The following XPNPEP3 variants were observed in gnomAD, a reference collection of about 807,000 sequenced individuals.
XPNPEP3 encodes X-prolyl aminopeptidase 3.
In XPNPEP3, 41 loss-of-function variants were observed where a neutral mutation model predicts 60.0. That is an observed-to-expected ratio of 0.68 (90% confidence interval 0.53 to 0.89). The LOEUF (loss-of-function observed/expected upper bound fraction) is 0.89, where lower values mean the gene tolerates loss of function less well. Ranked by LOEUF, XPNPEP3 falls within the 40% of genes least tolerant of loss-of-function variation. The pLI is 0.00. For missense variants in XPNPEP3, 598 were observed against 638.9 expected (o/e 0.94, Z 0.69); for synonymous variants, 212 against 223.2 (o/e 0.95, Z 0.45).
chr22:40,891,100 C>A (rs939218391), intron 4 of XPNPEP3, among the ~76,000 whole-genome samples: 1 of 137,510 alleles, frequency 7.3e-6, no homozygotes, highest in African/African-American at 2.7e-5. Context: ...CCCAGCACTT[C>A]GGGAGCCCAA....
intron 4 of XPNPEP3, among the ~76,000 whole-genome samples, chr22:40,890,163 T>C (rs9619914): frequency 0.045 from 6,855 of 152,272 alleles, 496 homozygotes; most frequent in African/African-American, 0.16. Context: ...TCCTAAAATA[T>C]TAATTTTACC....
chr22:40,894,235 G>C (rs1466634987), intron 4 of XPNPEP3, among the ~76,000 whole-genome samples: 1 of 152,096 alleles, frequency 6.6e-6, no homozygotes, highest in East Asian at 1.9e-4. Flanking sequence ...ACTCCAAGGG[G>C]TATCTGAGTT....
At chr22:40,875,127 A>G (rs1043532698) in intron 2 of XPNPEP3, among the ~76,000 whole-genome samples, 1 of 152,164 alleles carries the variant, frequency 6.6e-6, no homozygotes, top group Non-Finnish European at 1.5e-5. Flanking sequence ...TTTATAAAGT[A>G]ATATATTTTA....
intron 2 of XPNPEP3, among the ~76,000 whole-genome samples, chr22:40,875,611 T>C (rs1569018056): frequency 1.3e-5 from 2 of 152,268 alleles, no homozygotes; most frequent in East Asian, 3.9e-4. Context: ...TGAAGAATTA[T>C]AGAGGATTTC....
In XPNPEP3 at chr22:40,922,446, C is replaced by A; in HGVS notation, c.1169C>A (p.Thr390Asn). The A allele has an allele frequency of 1.9e-6, 3 of 1,613,932 alleles. No homozygotes were observed. Among genetic ancestry groups the A allele is most frequent in the African/African-American group, 1.3e-5 (1 of 74,980 alleles). Reference protein sequence around the residue: ...SLENIYSMMLTLIGQKLKDLG... With the variant: ...SLENIYSMMLNLIGQKLKDLG... ...GAGAACATCTACAGCATGATGCTGA[C>A]CCTGATAGGACAGAAGCTTAAAGAC... Residue 390 changes from threonine to asparagine, a missense_variant, in exon 8 of 10, where the codon ACC (threonine) becomes AAC (asparagine). By Grantham distance (65) the Thr-to-Asn change is moderately conservative. Transcript: ENST00000357137.
intron 4 of XPNPEP3, among the ~76,000 whole-genome samples, chr22:40,895,335 T>C (rs899281255): frequency 6.6e-6 from 1 of 151,768 alleles, no homozygotes; most frequent in Non-Finnish European, 1.5e-5. Flanking sequence ...ATTAGTGCTT[T>C]TCTTTTCTTT....
rs1430934718 is a variant in XPNPEP3 at position 40,869,059 on chromosome 22, C to A, written c.125C>A (p.Pro42Gln). ...SLQPVPERRI[P>Q]NRYLGQPSPF... ...CAGCCTGTCCCAGAAAGGAGGATTC[C>A]AAACCGATACTTAGGCCAGCCCAGC... The change falls in exon 2 of 10, where the codon CCA becomes CAA. Residue 42 changes from proline (P) to glutamine (Q), a missense_variant. By Grantham distance (76) the Pro-to-Gln change is moderately conservative (BLOSUM62 -1). Coordinates refer to ENST00000357137, the MANE Select transcript of XPNPEP3 (RefSeq NM_022098.4). 1 of 1,614,010 alleles carries A rather than the reference C, an allele frequency of 6.2e-7. No homozygotes were observed. Among genetic ancestry groups the A allele is most frequent in the Non-Finnish European group, 8.5e-7 (1 of 1,179,950 alleles).
At chr22:40,902,293 G>A (rs1171536288) in intron 4 of XPNPEP3, among the ~76,000 whole-genome samples, 4 of 130,744 alleles carry the variant, frequency 3.1e-5, no homozygotes, top group South Asian at 2.5e-4. Context: ...CTCTGTCGCC[G>A]AGGCTGGAGT....
chr22:40,860,790 A>G, intron 1 of XPNPEP3: 1 of 661,176 alleles, frequency 1.5e-6, no homozygotes, highest in Non-Finnish European at 2.5e-6. Context: ...AGCTGGGACT[A>G]CAGGTGCACA....
chr22:40,893,888 T>C (rs2058098182), intron 4 of XPNPEP3, among the ~76,000 whole-genome samples: 1 of 152,204 alleles, frequency 6.6e-6, no homozygotes, highest in South Asian at 2.1e-4. Flanking sequence ...AGTTCTGGGA[T>C]TACAGGTGTA....
intron 1 of XPNPEP3, chr22:40,861,140 T>G: frequency 6.2e-7 from 1 of 1,614,114 alleles, no homozygotes; most frequent in Non-Finnish European, 8.5e-7. Flanking sequence ...CCTCTTTGAC[T>G]CCTGCTGAGA....
chr22:40,897,722 T>G (rs1363544794), intron 4 of XPNPEP3, among the ~76,000 whole-genome samples: 1 of 152,182 alleles, frequency 6.6e-6, no homozygotes, highest in Non-Finnish European at 1.5e-5. Context: ...GGGTTCCAGT[T>G]TTTCTACATT....
chr22:40,859,418 C>A (rs1376185013), intron 1 of XPNPEP3: 2 of 152,074 alleles, frequency 1.3e-5, no homozygotes, highest in Non-Finnish European at 2.9e-5. Flanking sequence ...CATGTCATTA[C>A]ATTCTTAAAT....
At chr22:40,869,357 A>G (rs188722620) in intron 2 of XPNPEP3, among the ~76,000 whole-genome samples, 1 of 152,150 alleles carries the variant, frequency 6.6e-6, no homozygotes, top group Non-Finnish European at 1.5e-5. Context: ...TGCTTTATTG[A>G]CAATACTAGT....
intron 3 of XPNPEP3, among the ~76,000 whole-genome samples, chr22:40,885,681 G>T (rs1412899650): frequency 6.6e-6 from 1 of 152,114 alleles, no homozygotes; most frequent in Non-Finnish European, 1.5e-5. Context: ...AAGAACAGTT[G>T]TTCTAATTGT....
At chr22:40,910,797 A>AG (rs1302368036) in intron 6 of XPNPEP3, among the ~76,000 whole-genome samples, 8 of 152,102 alleles carry the variant, frequency 5.3e-5, no homozygotes, top group Admixed American at 4.6e-4. Context: ...TGAGGTCAGG[A>AG]GTTCGAGACC....
chr22:40,883,236 A>G (rs897020905), intron 3 of XPNPEP3, among the ~76,000 whole-genome samples: 1 of 152,218 alleles, frequency 6.6e-6, no homozygotes. Context: ...GGTAATGCAT[A>G]TTAAAATTAA....
intron 1 of XPNPEP3, chr22:40,861,346 C>T: frequency 6.2e-7 from 1 of 1,614,144 alleles, no homozygotes; most frequent in Non-Finnish European, 8.5e-7. Flanking sequence ...GTCAACTCTC[C>T]ATTATCTTCA....
At chr22:40,894,174 G>A (rs570069401) in intron 4 of XPNPEP3, among the ~76,000 whole-genome samples, 2 of 152,236 alleles carry the variant, frequency 1.3e-5, no homozygotes, top group Admixed American at 1.3e-4. Flanking sequence ...GCACTCACAG[G>A]CAACACAGCA....
Sources: gnomAD v4.1 joint callset for allele counts (sites outside exome capture counted in the v4.1 genomes callset) on GRCh38, gnomAD v4.1.1 for gene constraint, MANE v1.5 for transcripts, NCBI Gene and HGNC (gene_info 2026-07-23, HGNC 2026-07-21) for gene names.